ITPA: variants seen among roughly 807,000 people sequenced by gnomAD.
The protein encoded by ITPA is inosine triphosphate pyrophosphatase.
Under a neutral mutation model 29.6 loss-of-function variants are expected in ITPA, and 29 were observed. The observed-to-expected ratio is 0.98, with a 90% CI of 0.73 to 1.34. The LOEUF (loss-of-function observed/expected upper bound fraction) is 1.34, where lower values mean the gene tolerates loss of function less well. Among genes scored for constraint, ITPA ranks in the 40% most tolerant of loss-of-function variants. The probability of loss-of-function intolerance (pLI) is 0.00; values close to 1 mark genes in which losing one functional copy is unlikely to be tolerated. For missense variants in ITPA, 241 were observed against 251.5 expected, an observed-to-expected ratio of 0.96 and a Z score of 0.28; for synonymous variants, 103 against 99.3, an observed-to-expected ratio of 1.04 and a Z score of -0.22.
At chr20:3,204,795 A>G (rs2122249563), upstream of ITPA, 1 of 609,996 alleles carries the variant, frequency 1.6e-6, no homozygotes, top group African/African-American at 1.9e-5. Flanking sequence ...GGGGGTGTAA[A>G]GAAACCCACA....
At chr20:3,208,779 C>T (rs2067108931), upstream of ITPA, 1 of 153,226 alleles carries the variant, frequency 6.5e-6, no homozygotes, top group Non-Finnish European at 1.5e-5. Context: ...GGTACTGACA[C>T]AGGGGTCCAG....
Position 3,221,861 on chromosome 20 carries a change from A to G in ITPA, c.432A>G (p.Arg144=), listed in dbSNP as rs1197304382. The change falls in exon 7 of 8, where the codon AGA becomes AGG. Residue 144 remains arginine (R), a synonymous_variant. Coordinates refer to ENST00000380113, the MANE Select transcript of ITPA (RefSeq NM_033453.4). ...GRTSGRIVAP[R]GCQDFGWDPC... Reference sequence around the variant, plus strand: ...GGCAGGGCCGGATCGTGGCACCCAGAGGCTGCCAGGACTTTGGCTGGGACC... The same window carrying G: ...GGCAGGGCCGGATCGTGGCACCCAGGGGCTGCCAGGACTTTGGCTGGGACC... 4 of 1,613,866 alleles carry G rather than the reference A, an allele frequency of 2.5e-6. No individual in the cohort carries two copies. Among genetic ancestry groups the G allele is most frequent in the African/African-American group, 1.3e-5 (1 of 74,904 alleles).
intron 7 of ITPA, among the ~76,000 whole-genome samples, chr20:3,222,488 C>T (rs748203413): frequency 2.0e-5 from 3 of 152,182 alleles, no homozygotes; most frequent in Non-Finnish European, 4.4e-5. Flanking sequence ...GGATTACAGG[C>T]GTGAGCCACC....
rs117172362 is a variant in ITPA, at chr20:3,222,281, G to T, written c.488+364G>T. ...CTTGTTGCCCAGGCTGGAGTGCAAC[G>T]GCGTGATCTCAACTCACTGCACCCT... On this transcript the variant is annotated intron_variant, in intron 7 of 7. Transcript: ENST00000380113. 1.3e-3 allele frequency among the ~76,000 whole-genome samples: 199 copies of T among 149,974 alleles called. 3 individuals carry two copies. The East Asian group carries it at 0.037, about 28-fold the overall frequency.
At chr20:3,225,472 C>G (rs763784427), downstream of ITPA, among the ~76,000 whole-genome samples, 17 of 152,134 alleles carry the variant, frequency 1.1e-4, no homozygotes, top group Admixed American at 3.9e-4. Flanking sequence ...CATAATGAGA[C>G]CTCCATAAAA....
intron 1 of ITPA, among the ~76,000 whole-genome samples, chr20:3,211,541 G>A (rs974085047): frequency 6.6e-6 from 1 of 151,658 alleles, no homozygotes; most frequent in Non-Finnish European, 1.5e-5. Flanking sequence ...TGCCCAGGCT[G>A]GAGTGCAGTG....
chr20:3,210,287 G>C (rs553378023), intron 1 of ITPA, among the ~76,000 whole-genome samples: 31 of 152,328 alleles, frequency 2.0e-4, no homozygotes, highest in African/African-American at 7.5e-4. Context: ...AGGACCTGAA[G>C]TTCTCTCAAG....
downstream of ITPA, among the ~76,000 whole-genome samples, chr20:3,226,793 G>T (rs2067558654): frequency 6.6e-6 from 1 of 152,142 alleles, no homozygotes; most frequent in Non-Finnish European, 1.5e-5. This position sits in a 1 kb window ranked among gnomAD's most constrained non-coding sequence, Gnocchi z 4.4. Flanking sequence ...CACTGATGCT[G>T]CGCACCCGGC....
In ITPA at chr20:3,215,236, A is replaced by G. The variant is rs764551378; in HGVS notation, c.264-45A>G. 3.1e-6 allele frequency: 5 copies of G among 1,601,768 alleles called. No individual in the cohort carries two copies. In the South Asian group the frequency reaches 4.4e-5, roughly 14 times the overall value. On this transcript the variant is annotated intron_variant, in intron 4 of 7. Coordinates refer to ENST00000380113, the MANE Select transcript of ITPA (RefSeq NM_033453.4). The stretch of plus-strand genomic sequence containing the variant: ...ACAGCCTGGAAAAGGTGGTAAGAAG[A>G]TCCAGCTGCTCCTGGTGTCTGACTG...
chr20:3,214,089 C>T (rs759952468), intron 4 of ITPA, 31 bp downstream of exon 4: 32 of 1,602,814 alleles, frequency 2.0e-5, no homozygotes, highest in East Asian at 4.5e-5. Flanking sequence ...CCTTACAGGG[C>T]GTCAGGCCCA....
chr20:3,219,196 C>CTTTT (rs1190462595), intron 6 of ITPA: 8 of 66,176 alleles, frequency 1.2e-4, no homozygotes, highest in Non-Finnish European at 1.6e-4. Context: ...AATCTTAATT[C>CTTTT]TTTTTTTTTT....
chr20:3,217,092 G>A (rs115807335), intron 5 of ITPA, among the ~76,000 whole-genome samples: 4,068 of 152,074 alleles, frequency 0.027, 192 homozygotes, highest in African/African-American at 0.092. Flanking sequence ...CGTTGGCCAT[G>A]CTGATCTCGA....
In ITPA at chr20:3,216,157, G is replaced by GTTTTTTTTTTT. The variant is rs71331043; in HGVS notation, c.295+855_295+865dup. Among the ~76,000 whole-genome samples the GTTTTTTTTTTT allele has an allele frequency of 5.9e-4, 64 of 109,230 alleles. 3 individuals carry two copies. The highest frequency in any genetic ancestry group is 2.2e-3 in the African/African-American group (58 of 26,088). 71.7% of individuals were successfully genotyped at this position (109,230 alleles called of 152,430 possible). A position where few individuals can be genotyped will look rare whatever the true frequency, so the allele number is the denominator to read the frequency against. ...AGGCATGCGCCAGCACGCTGGCTAA[G>GTTTTTTTTTTT]TTTTTTTTTTTTTTTTTTTTGAGAC... On this transcript the variant is annotated intron_variant, in intron 5 of 7. Transcript: ENST00000380113.
chr20:3,209,641 A>C lies in ITPA; in HGVS notation c.66+24A>C, dbSNP rs769119387. On this transcript the variant is annotated intron_variant, in intron 1 of 7. Coordinates refer to ENST00000380113, the MANE Select transcript of ITPA (RefSeq NM_033453.4). This position sits in a 1 kb window ranked among gnomAD's most constrained non-coding sequence, Gnocchi z 4.6. Reference sequence around the variant, plus strand: ...AGGTGCCGGGAGGGTGTTGGGGGCTAACTGGGAGGCGGCTGGGAATAGGGC... The same window carrying C: ...AGGTGCCGGGAGGGTGTTGGGGGCTCACTGGGAGGCGGCTGGGAATAGGGC... The C allele has an allele frequency of 4.9e-5, 79 of 1,608,768 alleles. No homozygotes were observed. The highest frequency in any genetic ancestry group is 1.0e-4 in the Admixed American group (6 of 59,946).
intron 1 of ITPA, among the ~76,000 whole-genome samples, chr20:3,211,044 A>G (rs1397678272): frequency 6.8e-6 from 1 of 147,474 alleles, no homozygotes; most frequent in Non-Finnish European, 1.5e-5. Context: ...GTTGAGTGAC[A>G]GAGTGAGACT....
rs760558176 is a variant in ITPA at position 3,213,282 on chromosome 20, G to A, written c.125-37G>A. 8 of 1,614,026 alleles carry A rather than the reference G, an allele frequency of 5.0e-6. No homozygotes were observed. The Admixed American group carries it at 5.0e-5, about 10-fold the overall frequency. ...GATGGTTGGATTTCTCTGTCTTCCTGTGACCTGACTTTCTGTGTGTCTGTT... is the reference window on the plus strand; with the variant it reads ...GATGGTTGGATTTCTCTGTCTTCCTATGACCTGACTTTCTGTGTGTCTGTT... On this transcript the variant is annotated intron_variant, in intron 2 of 7. Coordinates refer to ENST00000380113, the MANE Select transcript of ITPA (RefSeq NM_033453.4).
At chr20:3,208,665 C>G (rs149285935), upstream of ITPA, among the ~76,000 whole-genome samples, 5 of 152,288 alleles carry the variant, frequency 3.3e-5, no homozygotes, top group East Asian at 9.6e-4. Context: ...CGTGAGCCAC[C>G]GGGCTTTCCC....
Position 3,221,931 on chromosome 20 carries a change from C to T in ITPA, c.488+14C>T, listed in dbSNP as rs1267017344. Reference sequence around the variant, plus strand: ...ATATGAGCAGACGTAAGGAGCCCTGCTTTTCTTCCCTGGGGTGTGGGGTTG... The same window carrying T: ...ATATGAGCAGACGTAAGGAGCCCTGTTTTTCTTCCCTGGGGTGTGGGGTTG... On this transcript the variant is annotated intron_variant, in intron 7 of 7. Transcript: ENST00000380113. 1 of 1,611,912 alleles carries T rather than the reference C, an allele frequency of 6.2e-7. No individual in the cohort carries two copies. The highest frequency in any genetic ancestry group is 2.2e-5 in the East Asian group (1 of 44,874).
rs201119006 is a variant in ITPA at position 3,213,378 on chromosome 20, C to T, written c.184C>T (p.Arg62Cys). 108 of 1,613,780 alleles carry T rather than the reference C, an allele frequency of 6.7e-5. No individual in the cohort carries two copies. Among genetic ancestry groups the T allele is most frequent in the Middle Eastern group, 1.7e-4 (1 of 5,908 alleles). ...CATACAGAAATGTCAGGAGGCAGTT[C>T]GCCAGGTGCTTGCCCTGCCCTTGTC... is the stretch of plus-strand genomic sequence containing the variant. ...ISIQKCQEAV[R>C]QVQGPVLVED... is the part of the protein sequence containing the mutation. The change falls in exon 3 of 8, where the codon CGC (arginine) becomes TGC (cysteine). Residue 62 changes from arginine to cysteine, a missense_variant. Physicochemically the swap from Arg to Cys is radical, Grantham distance 180. Coordinates refer to ENST00000380113, the MANE Select transcript of ITPA (RefSeq NM_033453.4).
Sources: allele counts gnomAD v4.1 joint callset (sites outside exome capture counted in the v4.1 genomes callset), GRCh38; gene constraint gnomAD v4.1.1; non-coding constraint Gnocchi (gnomAD v3.1); transcripts MANE v1.5; gene names NCBI Gene and HGNC (gene_info 2026-07-23, HGNC 2026-07-21).